The following PCDHA6 variants were observed in gnomAD, a reference collection of about 807,000 sequenced individuals.
PCDHA6 encodes protocadherin alpha-6.
In PCDHA6, 55 loss-of-function variants were observed where a neutral mutation model predicts 60.3. That is an observed-to-expected ratio of 0.91 (90% CI 0.73 to 1.14). The LOEUF is 1.14. Ranked by LOEUF, PCDHA6 falls within the 50% of genes most tolerant of loss-of-function variation. The pLI, the probability that PCDHA6 is intolerant of heterozygous loss-of-function variation, is 0.00. For missense variants in PCDHA6, 1,327 were observed against 1,256.5 expected, an observed-to-expected ratio of 1.06 and a Z score of -0.85; for synonymous variants, 652 against 557.9, an observed-to-expected ratio of 1.17 and a Z score of -2.38.
intron 1 of PCDHA6, chr5:140,851,534 A>G: frequency 1.1e-6 from 1 of 902,820 alleles, no homozygotes; most frequent in Non-Finnish European, 1.4e-6. Flanking sequence ...CTGACAATGT[A>G]GATAATTCAA....
At chr5:140,910,682 C>G (rs1280217836) in intron 1 of PCDHA6, among the ~76,000 whole-genome samples, 2 of 152,198 alleles carry the variant, frequency 1.3e-5, no homozygotes, top group East Asian at 3.8e-4. Flanking sequence ...GGAGATCAGG[C>G]ATTTCCAGCT....
Position 140,869,807 on chromosome 5 carries a change from T to C in PCDHA6, c.2394+39322T>C, listed in dbSNP as rs545569437. ...CGGCTGTTAGTCCAAGTCTTGGATGTCAACGACAATGATCCAGAGTTTGAT... is the reference window on the plus strand; with the variant it reads ...CGGCTGTTAGTCCAAGTCTTGGATGCCAACGACAATGATCCAGAGTTTGAT... On this transcript the variant is annotated intron_variant, in intron 1 of 3. Transcript: ENST00000529310. 8.1e-6 allele frequency: 13 copies of C among 1,612,544 alleles called. No individual in the cohort carries two copies. In the African/African-American group the frequency reaches 1.6e-4, roughly 20 times the overall value.
chr5:140,858,347 C>T lies in PCDHA6; in HGVS notation c.2394+27862C>T. ...TGGGGAGGGCCTGCCCAAGGCGGAC[C>T]TCATGGCCTTCAGCCCCAGCCTTCC... On this transcript the variant is annotated intron_variant, in intron 1 of 3. Transcript: ENST00000529310. 3 of 1,594,932 alleles carry T rather than the reference C, an allele frequency of 1.9e-6. No individual in the cohort carries two copies. The East Asian group carries it at 6.7e-5, about 36-fold the overall frequency.
chr5:140,993,462 TCACACA>T (rs3836747), intron 3 of PCDHA6, among the ~76,000 whole-genome samples: 28,176 of 140,902 alleles, frequency 0.2, 2,920 homozygotes, highest in East Asian at 0.31. Flanking sequence ...TCTTTCTTTC[TCACACA>T]CACACACACA....
chr5:140,991,244 G>A (rs535469323), intron 3 of PCDHA6, among the ~76,000 whole-genome samples: 2 of 152,278 alleles, frequency 1.3e-5, no homozygotes, highest in South Asian at 4.1e-4. Flanking sequence ...GGTAAAGGCA[G>A]TATTTGAACT....
intron 1 of PCDHA6, chr5:140,868,350 A>G (rs962248912): frequency 6.6e-6 from 1 of 152,186 alleles, no homozygotes; most frequent in East Asian, 1.9e-4. Flanking sequence ...ATAATCAGAA[A>G]GCAATTAAAT....
chr5:140,870,133 G>A, intron 1 of PCDHA6: 1 of 1,613,974 alleles, frequency 6.2e-7, no homozygotes, highest in African/African-American at 1.3e-5. Context: ...GGACACCAAC[G>A]ATAACTCTCC....
At chr5:140,842,634 C>A (rs2150340944) in intron 1 of PCDHA6, 1 of 1,589,836 alleles carries the variant, frequency 6.3e-7, no homozygotes, top group Admixed American at 1.7e-5. Context: ...CTGTGGGCCA[C>A]CGCCAGCTTG....
chr5:141,003,074 G>A (rs941146075), intron 3 of PCDHA6, among the ~76,000 whole-genome samples: 2 of 152,224 alleles, frequency 1.3e-5, no homozygotes, highest in Non-Finnish European at 2.9e-5. Flanking sequence ...GCAGATGAGG[G>A]TGAGTTTAAC....
chr5:141,007,755 CTT>C (rs2098344346), intron 3 of PCDHA6, among the ~76,000 whole-genome samples: 1 of 152,170 alleles, frequency 6.6e-6, no homozygotes, highest in Non-Finnish European at 1.5e-5. Context: ...ACTTTGGACT[CTT>C]ATTGGCCTGG....
At chr5:140,960,853 T>C (rs1554225072) in intron 1 of PCDHA6, among the ~76,000 whole-genome samples, 2 of 152,214 alleles carry the variant, frequency 1.3e-5, no homozygotes, top group Non-Finnish European at 1.5e-5. Flanking sequence ...ATGGCAACTA[T>C]AAGCCAGAAA....
chr5:140,862,339 C>T (rs1221529489), intron 1 of PCDHA6: 2 of 332,834 alleles, frequency 6.0e-6, no homozygotes, highest in Non-Finnish European at 1.2e-5. Context: ...TTGACCCTAA[C>T]TTCAGTGCCA....
chr5:140,957,591 C>T (rs1554223040), intron 1 of PCDHA6, among the ~76,000 whole-genome samples: 1 of 151,946 alleles, frequency 6.6e-6, no homozygotes, highest in African/African-American at 2.4e-5. Flanking sequence ...CAAAGCACTT[C>T]CCAGAATAAA....
At chr5:140,850,268 G>T in intron 1 of PCDHA6, 1 of 1,594,774 alleles carries the variant, frequency 6.3e-7, no homozygotes, top group Non-Finnish European at 8.6e-7. Flanking sequence ...GCGTAGTGGT[G>T]GGGAAGGTGC....
chr5:140,906,337 C>A (rs2072574983), intron 1 of PCDHA6, among the ~76,000 whole-genome samples: 1 of 152,192 alleles, frequency 6.6e-6, no homozygotes, highest in Non-Finnish European at 1.5e-5. Flanking sequence ...ATCCTTCATA[C>A]AACCAAGAAT....
chr5:140,922,722 T>C (rs2153565730), intron 1 of PCDHA6, among the ~76,000 whole-genome samples: 1 of 151,972 alleles, frequency 6.6e-6, no homozygotes, highest in Non-Finnish European at 1.5e-5. Context: ...AAAGAAACAC[T>C]TGACAAGGTT....
intron 1 of PCDHA6, chr5:140,865,219 G>C (rs2048775576): frequency 6.6e-6 from 1 of 152,062 alleles, no homozygotes; most frequent in Admixed American, 6.5e-5. Context: ...TTTCTTTAAA[G>C]GGATCCCAGA....
intron 1 of PCDHA6, chr5:140,882,349 T>TC (rs1396642305): frequency 5.0e-6 from 8 of 1,613,872 alleles, no homozygotes; most frequent in Non-Finnish European, 6.8e-6. Context: ...GGGAGACGGG[T>TC]AGTGGCCAGC....
Position 140,829,995 on chromosome 5 carries a change from G to T in PCDHA6, c.1904G>T (p.Arg635Leu), listed in dbSNP as rs1297305883. Residue 635 changes from arginine (R) to leucine (L), a missense_variant, in exon 1 of 4, where the codon CGT becomes CTT. Arg to Leu is a moderately radical substitution (Grantham distance 102, BLOSUM62 -2). Transcript: ENST00000529310. ...TACACGGGCGAGATCAGCACCACTCGTGTCCTGGACGAAGCGGACTCTCCG... is the reference window on the plus strand; with the variant it reads ...TACACGGGCGAGATCAGCACCACTCTTGTCCTGGACGAAGCGGACTCTCCG... Reference protein sequence around the residue: ...GLYTGEISTTRVLDEADSPRH... With the variant: ...GLYTGEISTTLVLDEADSPRH... 3 of 1,613,866 alleles carry T rather than the reference G, an allele frequency of 1.9e-6. No homozygotes were observed. In the African/African-American group the frequency reaches 4.0e-5, roughly 22 times the overall value.
Sources: allele counts gnomAD v4.1 joint callset (sites outside exome capture counted in the v4.1 genomes callset), GRCh38; gene constraint gnomAD v4.1.1; transcripts MANE v1.5; gene names NCBI Gene and HGNC (gene_info 2026-07-23, HGNC 2026-07-21).